TNFSF15: variants seen among roughly 807,000 people sequenced by gnomAD.
The protein encoded by TNFSF15 is TNF superfamily member 15.
Under a neutral mutation model 26.4 loss-of-function variants are expected in TNFSF15, and 15 were observed. The ratio of observed to expected loss-of-function variants is 0.57; its 90% confidence interval spans 0.38 to 0.87. The LOEUF is 0.87. Among genes scored for constraint, TNFSF15 ranks in the 40% least tolerant of loss-of-function variants. The pLI, the probability that TNFSF15 is intolerant of heterozygous loss-of-function variation, is 0.00. For missense variants in TNFSF15, 290 were observed against 306.1 expected, an observed-to-expected ratio of 0.95 and a Z score of 0.39; for synonymous variants, 116 against 115.0, an observed-to-expected ratio of 1.01 and a Z score of -0.06.
At chr9:114,792,239 A>G in intron 3 of TNFSF15, 168 bp downstream of exon 3, 4 of 663,116 alleles carry the variant, frequency 6.0e-6, no homozygotes, top group Non-Finnish European at 9.8e-6. Flanking sequence ...ACACACACAC[A>G]CACACACACA....
Position 114,790,847 on chromosome 9 carries a change from G to T in TNFSF15, c.361C>A (p.His121Asn). ...TTGGTGAAGGCCAGGCCTAGTTCAT[G>T]TTCCCAGTGCAGAGCTGGGAACTGA... Reference protein sequence around the residue: ...KNQFPALHWEHELGLAFTKNR... With the variant: ...KNQFPALHWENELGLAFTKNR... The change falls in exon 4 of 4, where the codon CAT becomes AAT. Residue 121 changes from histidine to asparagine, a missense_variant. His to Asn is a moderately conservative substitution (Grantham distance 68). This residue lies in a region of TNFSF15 where 179 missense variants were observed against 165.9 expected (regional missense o/e 1.08). Transcript: ENST00000374045. The T allele has an allele frequency of 6.2e-7, 1 of 1,614,130 alleles. No homozygotes were observed. Among genetic ancestry groups the T allele is most frequent in the Non-Finnish European group, 8.5e-7 (1 of 1,180,024 alleles).
chr9:114,789,450 G>T lies in TNFSF15; in HGVS notation c.*1002C>A, dbSNP rs1829558448. On this transcript the variant is annotated 3_prime_UTR_variant, in exon 4 of 4. Coordinates refer to ENST00000374045, the MANE Select transcript of TNFSF15 (RefSeq NM_005118.4). ...CTGCCTCGGCCTCCTGAGTAGCCAGGATTACAGCCATGCGCTACCACGCCC... is the reference window on the plus strand; with the variant it reads ...CTGCCTCGGCCTCCTGAGTAGCCAGTATTACAGCCATGCGCTACCACGCCC... 6.6e-6 allele frequency: 1 copy of T among 152,276 alleles called. No homozygotes were observed. Among genetic ancestry groups the T allele is most frequent in the Admixed American group, 6.5e-5 (1 of 15,276 alleles). The allele number at this position is 152,276 out of a possible 1,614,324, so 9.4% of individuals were successfully genotyped here.
In TNFSF15 at chr9:114,790,574, T is replaced by C; in HGVS notation, c.634A>G (p.Ile212Val). The change falls in exon 4 of 4, where the codon ATC becomes GTC. Residue 212 changes from isoleucine (I) to valine (V), a missense_variant. Physicochemically the swap from Ile to Val is conservative, Grantham distance 29. This residue lies in a region of TNFSF15 where 102 missense variants were observed against 114.7 expected (regional missense o/e 0.89). Coordinates refer to ENST00000374045, the MANE Select transcript of TNFSF15 (RefSeq NM_005118.4). ...AAGGAGAACATGGCTCCGAGGTAGATGGGCTGGAACCAGTTGCTACCTACT... is the reference window on the plus strand; with the variant it reads ...AAGGAGAACATGGCTCCGAGGTAGACGGGCTGGAACCAGTTGCTACCTACT... ...CEVGSNWFQP[I>V]YLGAMFSLQE... 1.9e-6 allele frequency: 3 copies of C among 1,614,052 alleles called. No individual in the cohort carries two copies. The highest frequency in any genetic ancestry group is 2.5e-6 in the Non-Finnish European group (3 of 1,180,022).
At chr9:114,803,325 CCTT>C (rs1443661901) in intron 1 of TNFSF15, among the ~76,000 whole-genome samples, 1 of 152,170 alleles carries the variant, frequency 6.6e-6, no homozygotes, top group Non-Finnish European at 1.5e-5. Context: ...ACACAATGCT[CCTT>C]CTGCACACGC....
At chr9:114,794,723 G>T (rs531575530) in intron 1 of TNFSF15, among the ~76,000 whole-genome samples, 2 of 152,270 alleles carry the variant, frequency 1.3e-5, no homozygotes, top group East Asian at 3.9e-4. Context: ...GTTATTTGCA[G>T]CAACATGGAT....
chr9:114,800,327 A>T (rs1829729228), intron 1 of TNFSF15, among the ~76,000 whole-genome samples: 1 of 152,012 alleles, frequency 6.6e-6, no homozygotes, highest in South Asian at 2.1e-4. Flanking sequence ...TCCAGAAAAC[A>T]CTTAGTGAGT....
At position 114,785,009 on chromosome 9, in the gene TNFSF15, C is replaced by T. The variant is rs1220456288; in HGVS notation, c.*5443G>A. ...ACTTTATTTACTTGGCACTGTGTGT[C>T]TTGTTCCTCCTGAATGTATACACTG... On this transcript the variant is annotated 3_prime_UTR_variant, in exon 4 of 4. Transcript: ENST00000374045. 6.6e-6 allele frequency: 1 copy of T among 152,228 alleles called. No homozygotes were observed. The highest frequency in any genetic ancestry group is 2.4e-5 in the African/African-American group (1 of 41,450). The allele number at this position is 152,228 out of a possible 1,614,324, so 9.4% of individuals were successfully genotyped here.
intron 3 of TNFSF15, 108 bp downstream of exon 3, chr9:114,792,299 G>T: frequency 7.4e-7 from 1 of 1,343,182 alleles, no homozygotes; most frequent in Non-Finnish European, 1.0e-6. Context: ...TCTTACCAAG[G>T]AATGTAGTTT....
Position 114,787,256 on chromosome 9 carries a change from C to T in TNFSF15, c.*3196G>A, listed in dbSNP as rs139199877. ...AGTAGCTATTTTTAAAAAAACACTT[C>T]GAGTAAACACAAATCATTTTGTTAG... On this transcript the variant is annotated 3_prime_UTR_variant, in exon 4 of 4. Transcript: ENST00000374045. 26 of 152,248 alleles carry T rather than the reference C, an allele frequency of 1.7e-4. No individual in the cohort carries two copies. The highest frequency in any genetic ancestry group is 7.9e-4 in the Admixed American group (12 of 15,284). 9.4% of individuals were successfully genotyped at this position (152,248 alleles called of 1,614,324 possible). A position where few individuals can be genotyped will look rare whatever the true frequency, so the allele number is the denominator to read the frequency against.
intron 3 of TNFSF15, chr9:114,791,198 T>C (rs1323991896): frequency 3.6e-6 from 2 of 556,104 alleles, no homozygotes; most frequent in African/African-American, 3.8e-5. Context: ...TGGAGAACAA[T>C]GAAGGTTAAG....
intron 1 of TNFSF15, among the ~76,000 whole-genome samples, chr9:114,803,569 C>A (rs1047531404): frequency 6.6e-6 from 1 of 152,206 alleles, no homozygotes; most frequent in African/African-American, 2.4e-5. Context: ...CTCTCTCAGC[C>A]CTTCCTGACC....
At chr9:114,799,635 C>T (rs1829714849) in intron 1 of TNFSF15, among the ~76,000 whole-genome samples, 1 of 152,218 alleles carries the variant, frequency 6.6e-6, no homozygotes, top group Non-Finnish European at 1.5e-5. Flanking sequence ...CTGCTGTCAG[C>T]TACAAGGAGG....
rs772710564 is a variant in TNFSF15, at chr9:114,790,438, T to G, written c.*14A>C. On this transcript the variant is annotated 3_prime_UTR_variant, in exon 4 of 4. Coordinates refer to ENST00000374045, the MANE Select transcript of TNFSF15 (RefSeq NM_005118.4). Reference sequence around the variant, plus strand: ...GTGGCAGAGGACTTTCATATAATGATATTTGCTCTCCTCCTATAGTAAGAA... The same window carrying G: ...GTGGCAGAGGACTTTCATATAATGAGATTTGCTCTCCTCCTATAGTAAGAA... The G allele has an allele frequency of 1.3e-6, 2 of 1,560,372 alleles. No homozygotes were observed. The highest frequency in any genetic ancestry group is 4.5e-5 in the East Asian group (2 of 44,316).
In TNFSF15 at chr9:114,788,303, C is replaced by T. The variant is rs1041834257; in HGVS notation, c.*2149G>A. 2 of 153,758 alleles carry T rather than the reference C, an allele frequency of 1.3e-5. No individual in the cohort carries two copies. The highest frequency in any genetic ancestry group is 1.3e-4 in the Admixed American group (2 of 15,282). 9.5% of individuals were successfully genotyped at this position (153,758 alleles called of 1,614,324 possible). On this transcript the variant is annotated 3_prime_UTR_variant, in exon 4 of 4. Transcript: ENST00000374045. ...CCCGCCCAGTTTCTTCCAGGCTTCA[C>T]TTCCTCTATGAAGACTCTGGTGAGC...
chr9:114,803,292 G>A (rs551423823), intron 1 of TNFSF15, among the ~76,000 whole-genome samples: 1 of 152,194 alleles, frequency 6.6e-6, no homozygotes, highest in Admixed American at 6.5e-5. Flanking sequence ...ATGTGCATGC[G>A]GCTCTCCCCA....
Position 114,805,849 on chromosome 9 carries a change from A to T in TNFSF15, c.164T>A (p.Leu55His). Residue 55 changes from leucine to histidine, a missense_variant, in exon 1 of 4, where the codon CTT becomes CAT. By Grantham distance (99) the Leu-to-His change is moderately conservative (BLOSUM62 -3). Coordinates refer to ENST00000374045, the MANE Select transcript of TNFSF15 (RefSeq NM_005118.4). ...PFLAGLTTYL[L>H]VSQLRAQGEA... is the part of the protein sequence containing the mutation. ...TCCCTGGGCCCGGAGCTGGCTGACA[A>T]GCAGGTATGTGGTGAGTCCTGCAAG... The T allele has an allele frequency of 6.2e-7, 1 of 1,613,902 alleles. No homozygotes were observed. The highest frequency in any genetic ancestry group is 8.5e-7 in the Non-Finnish European group (1 of 1,180,034).
At chr9:114,804,304 AG>A in intron 1 of TNFSF15, among the ~76,000 whole-genome samples, 1 of 152,360 alleles carries the variant, frequency 6.6e-6, no homozygotes, top group East Asian at 1.9e-4. Context: ...CTTCCCGTCT[AG>A]TGACAGTGCA....
At chr9:114,794,439 C>T (rs555139786) in intron 1 of TNFSF15, among the ~76,000 whole-genome samples, 1 of 152,206 alleles carries the variant, frequency 6.6e-6, no homozygotes, top group Non-Finnish European at 1.5e-5. Context: ...ATTAGTACAG[C>T]CACTATGGAA....
intron 1 of TNFSF15, among the ~76,000 whole-genome samples, chr9:114,795,157 C>A (rs1036380900): frequency 2.6e-5 from 4 of 151,820 alleles, no homozygotes; most frequent in African/African-American, 9.7e-5. Flanking sequence ...GTACCCCACA[C>A]GTATATAAAA....
Sources: gnomAD v4.1 joint callset for allele counts (sites outside exome capture counted in the v4.1 genomes callset) on GRCh38, gnomAD v4.1.1 for gene constraint, gnomAD v4.1.1 regional missense constraint, MANE v1.5 for transcripts, NCBI Gene and HGNC (gene_info 2026-07-23, HGNC 2026-07-21) for gene names.